Variants in SCAPER observed in about 807,000 individuals in gnomAD.
SCAPER encodes S-phase cyclin A associated protein in the ER, also known as S phase cyclin A-associated protein in the endoplasmic reticulum.
A neutral mutation model predicts 182.2 loss-of-function variants in SCAPER; 98 were observed. The observed-to-expected ratio is 0.54, with a 90% CI of 0.46 to 0.64. The LOEUF is 0.64. Ranked by LOEUF, SCAPER falls within the 30% of genes least tolerant of loss-of-function variation. SCAPER has a pLI of 0.00. For synonymous variants in SCAPER, 605 were observed against 564.6 expected (o/e 1.07, Z -1.01); for missense variants, 1,432 against 1,690.0 (o/e 0.85, Z 2.68).
chr15:76,856,517 A>T (rs930893371), intron 4 of SCAPER, among the ~76,000 whole-genome samples: 1 of 150,916 alleles, frequency 6.6e-6, no homozygotes, highest in Non-Finnish European at 1.5e-5. Flanking sequence ...AAACATACAT[A>T]TATGTATATA....
chr15:76,483,764 G>A (rs950099544), intron 24 of SCAPER, among the ~76,000 whole-genome samples: 4 of 152,262 alleles, frequency 2.6e-5, no homozygotes, highest in East Asian at 3.9e-4. Flanking sequence ...AATGCTACAT[G>A]TCATTGAAGG....
intron 5 of SCAPER, among the ~76,000 whole-genome samples, chr15:76,806,570 A>G (rs2066174852): frequency 6.6e-6 from 1 of 152,182 alleles, no homozygotes; most frequent in South Asian, 2.1e-4. Flanking sequence ...CATTTCTGCC[A>G]AAAAGGGGGA....
intron 19 of SCAPER, among the ~76,000 whole-genome samples, chr15:76,702,203 C>G (rs1478056725): frequency 6.6e-6 from 1 of 151,946 alleles, no homozygotes; most frequent in African/African-American, 2.4e-5. Flanking sequence ...TACAGCCAGC[C>G]TAAGAGGAAA....
chr15:76,561,899 A>T (rs890814315), intron 23 of SCAPER, among the ~76,000 whole-genome samples: 3 of 150,526 alleles, frequency 2.0e-5, no homozygotes, highest in African/African-American at 7.3e-5. Context: ...TAATCCCAGC[A>T]CTTTGGGAGG....
intron 1 of SCAPER, among the ~76,000 whole-genome samples, chr15:76,888,146 G>T (rs1190555206): frequency 6.6e-6 from 1 of 152,150 alleles, no homozygotes; most frequent in African/African-American, 2.4e-5. Flanking sequence ...CAACCAAAAG[G>T]ACATCCACAC....
At chr15:76,368,297 A>G (rs1422311816) in intron 29 of SCAPER, among the ~76,000 whole-genome samples, 1 of 152,264 alleles carries the variant, frequency 6.6e-6, no homozygotes, top group Admixed American at 6.5e-5. Context: ...AGCCAACTCT[A>G]AAAGTTCTAA....
chr15:76,882,202 A>G (rs1201102760), intron 2 of SCAPER, among the ~76,000 whole-genome samples: 1 of 152,064 alleles, frequency 6.6e-6, no homozygotes, highest in Admixed American at 6.6e-5. Context: ...GTTCAAGATC[A>G]CCTGGGCAAC....
intron 21 of SCAPER, among the ~76,000 whole-genome samples, chr15:76,646,783 T>C (rs2146461444): frequency 6.6e-6 from 1 of 152,334 alleles, no homozygotes; most frequent in Non-Finnish European, 1.5e-5. Context: ...CCCTACTAAT[T>C]AATTTTAGAA....
At chr15:76,629,395 T>C (rs80126487) in intron 21 of SCAPER, among the ~76,000 whole-genome samples, 1 of 152,256 alleles carries the variant, frequency 6.6e-6, no homozygotes, top group South Asian at 2.1e-4. Context: ...GGCTGTGGGT[T>C]TGTCATAAAT....
At chr15:76,367,008 G>A (rs771989944) in intron 29 of SCAPER, among the ~76,000 whole-genome samples, 2 of 152,184 alleles carry the variant, frequency 1.3e-5, no homozygotes, top group Non-Finnish European at 2.9e-5. Context: ...GTAGGCAGAC[G>A]CTTCTCACAG....
intron 21 of SCAPER, among the ~76,000 whole-genome samples, chr15:76,660,812 C>T (rs567359649): frequency 6.6e-6 from 1 of 151,860 alleles, no homozygotes; most frequent in South Asian, 2.1e-4. Flanking sequence ...TGTTCATGTA[C>T]ATTAAAAATC....
At chr15:76,351,086 AC>A (rs2040512363) in intron 31 of SCAPER, 150 bp downstream of exon 31, 1 of 575,960 alleles carries the variant, frequency 1.7e-6, no homozygotes, top group African/African-American at 1.9e-5. Flanking sequence ...CGATTTCTTT[AC>A]TTACTGAAAT....
At chr15:76,614,102 T>C (rs1252813468) in intron 22 of SCAPER, among the ~76,000 whole-genome samples, 2 of 152,086 alleles carry the variant, frequency 1.3e-5, no homozygotes, top group African/African-American at 2.4e-5. Flanking sequence ...TGCAGGGACA[T>C]GAATGGTGCT....
intron 22 of SCAPER, among the ~76,000 whole-genome samples, chr15:76,615,662 T>C (rs1227626688): frequency 6.8e-6 from 1 of 147,748 alleles, no homozygotes; most frequent in Non-Finnish European, 1.5e-5. Context: ...CTACTAAAAA[T>C]ACAAAAAACT....
chr15:76,483,762 A>G (rs991617836), intron 24 of SCAPER, among the ~76,000 whole-genome samples: 1 of 152,194 alleles, frequency 6.6e-6, no homozygotes, highest in East Asian at 1.9e-4. Context: ...TCAATGCTAC[A>G]TGTCATTGAA....
chr15:76,808,131 A>C (rs2066314947), intron 5 of SCAPER, among the ~76,000 whole-genome samples: 1 of 152,162 alleles, frequency 6.6e-6, no homozygotes. Flanking sequence ...TGGGCACAGG[A>C]AAGAGAAAAA....
At chr15:76,584,368 C>T (rs910689505) in intron 22 of SCAPER, among the ~76,000 whole-genome samples, 1 of 152,106 alleles carries the variant, frequency 6.6e-6, no homozygotes, top group Admixed American at 6.5e-5. Flanking sequence ...AGAATGACTA[C>T]AGTCAACAAT....
At position 76,712,628 on chromosome 15, in the gene SCAPER, C is replaced by T. The variant is rs1319934249; in HGVS notation, c.2166-6644G>A. Reference sequence around the variant, plus strand: ...TTTTATTTCATTGAGCAGTGGTTTGCAGTTCTCCTTGAAGAGGTCCTTCAC... The same window carrying T: ...TTTTATTTCATTGAGCAGTGGTTTGTAGTTCTCCTTGAAGAGGTCCTTCAC... On this transcript the variant is annotated intron_variant, in intron 17 of 31. Transcript: ENST00000563290. Among the ~76,000 whole-genome samples, 963 of 151,722 alleles carry T rather than the reference C, an allele frequency of 6.3e-3. 8 individuals carry two copies. The highest frequency in any genetic ancestry group is 0.022 in the African/African-American group (912 of 41,334).
At chr15:76,655,939 A>AAAAC (rs201939805) in intron 21 of SCAPER, among the ~76,000 whole-genome samples, 2,160 of 152,308 alleles carry the variant, frequency 0.014, 23 homozygotes, top group Non-Finnish European at 0.023. Flanking sequence ...ATGGCCCACA[A>AAAAC]AAACAAACAA....
Sources: gnomAD v4.1 joint callset for allele counts (sites outside exome capture counted in the v4.1 genomes callset) on GRCh38, gnomAD v4.1.1 for gene constraint, MANE v1.5 for transcripts, NCBI Gene and HGNC (gene_info 2026-07-23, HGNC 2026-07-21) for gene names.